Variants in ATP8B4 observed in about 807,000 individuals in gnomAD.
ATP8B4 encodes the protein probable phospholipid-transporting ATPase IM.
In ATP8B4, 133 loss-of-function variants were observed where a neutral mutation model predicts 145.6. That is an observed-to-expected ratio of 0.91 (90% confidence interval 0.79 to 1.05). The LOEUF (loss-of-function observed/expected upper bound fraction) is 1.05, where lower values mean the gene tolerates loss of function less well. ATP8B4 is among the 50% of genes least tolerant of loss of function. The probability of loss-of-function intolerance (pLI) is 0.00; values close to 1 mark genes in which losing one functional copy is unlikely to be tolerated. For missense variants in ATP8B4, 1,458 were observed against 1,425.2 expected, an observed-to-expected ratio of 1.02 and a Z score of -0.37; for synonymous variants, 507 against 492.9, an observed-to-expected ratio of 1.03 and a Z score of -0.38.
intron 3 of ATP8B4, among the ~76,000 whole-genome samples, chr15:50,064,689 G>C (rs1434409763): frequency 6.6e-6 from 1 of 152,102 alleles, no homozygotes; most frequent in Admixed American, 6.5e-5. Context: ...AAATACCTGA[G>C]ACTGGTAATT....
chr15:49,867,806 T>A (rs1169796789), intron 25 of ATP8B4, among the ~76,000 whole-genome samples: 1 of 151,990 alleles, frequency 6.6e-6, no homozygotes, highest in Non-Finnish European at 1.5e-5. Flanking sequence ...AAAAAAATAA[T>A]CTGAAAGAAA....
chr15:50,147,314 G>A (rs922457999), intron 1 of ATP8B4, among the ~76,000 whole-genome samples: 1 of 151,716 alleles, frequency 6.6e-6, no homozygotes, highest in African/African-American at 2.4e-5. Context: ...TACTCAGGAG[G>A]CTGAGGCATG....
intron 27 of ATP8B4, among the ~76,000 whole-genome samples, chr15:49,861,492 A>ACCTC (rs1566884878): frequency 6.0e-5 from 9 of 150,580 alleles, no homozygotes; most frequent in Non-Finnish European, 8.9e-5. Context: ...CTACCTACCT[A>ACCTC]CCTACCTACC....
At chr15:50,090,041 A>G (rs2055497938) in intron 2 of ATP8B4, among the ~76,000 whole-genome samples, 1 of 152,170 alleles carries the variant, frequency 6.6e-6, no homozygotes, top group African/African-American at 2.4e-5. Context: ...CATAAAAAGG[A>G]ATGAGATCAT....
At chr15:49,954,932 A>T (rs1255297946) in intron 14 of ATP8B4, among the ~76,000 whole-genome samples, 1 of 152,228 alleles carries the variant, frequency 6.6e-6, no homozygotes, top group Admixed American at 6.5e-5. Context: ...CCAGATGCCC[A>T]TCAGCGGTGG....
chr15:49,988,098 C>T (rs1363068301), intron 9 of ATP8B4, among the ~76,000 whole-genome samples: 3 of 152,184 alleles, frequency 2.0e-5, no homozygotes, highest in African/African-American at 7.2e-5. Context: ...TTCCTTTCAG[C>T]TGTTCTATGC....
rs200066365 is a variant in ATP8B4, at chr15:50,043,794, A to C, written c.300+800T>G. On this transcript the variant is annotated intron_variant, in intron 5 of 27. Transcript: ENST00000284509. The stretch of plus-strand genomic sequence containing the variant: ...AGGTGAAACCCCGTCTCTACTAAAA[A>C]TACAAAAAATTAGCCGGGCGCGGTG... 3.8e-4 allele frequency among the ~76,000 whole-genome samples: 58 copies of C among 151,464 alleles called. No individual in the cohort carries two copies. In the East Asian group the frequency reaches 0.011, roughly 29 times the overall value.
chr15:50,037,133 T>C (rs1400227183), intron 6 of ATP8B4, among the ~76,000 whole-genome samples: 1 of 152,212 alleles, frequency 6.6e-6, no homozygotes, highest in Non-Finnish European at 1.5e-5. Flanking sequence ...TCCAGGTATT[T>C]TGACTGGTAA....
intron 6 of ATP8B4, among the ~76,000 whole-genome samples, chr15:50,013,955 C>T (rs1326000140): frequency 6.6e-6 from 1 of 152,184 alleles, no homozygotes; most frequent in Non-Finnish European, 1.5e-5. Flanking sequence ...TGCTCCACGT[C>T]ACTAGACTAT....
intron 2 of ATP8B4, among the ~76,000 whole-genome samples, chr15:50,098,482 C>T (rs1372487928): frequency 2.6e-5 from 4 of 151,488 alleles, no homozygotes; most frequent in African/African-American, 9.7e-5. Context: ...CAAGGTATTG[C>T]TATGTGGCCC....
intron 1 of ATP8B4, among the ~76,000 whole-genome samples, chr15:50,128,321 T>C (rs1416938107): frequency 1.3e-5 from 2 of 152,218 alleles, no homozygotes; most frequent in Admixed American, 6.5e-5. Context: ...ACCCATTTCC[T>C]TTGGGTCTGA....
intron 19 of ATP8B4, among the ~76,000 whole-genome samples, chr15:49,917,738 T>C (rs961326321): frequency 2.0e-5 from 3 of 152,192 alleles, no homozygotes; most frequent in African/African-American, 4.8e-5. Flanking sequence ...TCTAACTGTA[T>C]AGAATAATTA....
In ATP8B4 at chr15:49,859,353, G is replaced by A. The variant is rs2031216442; in HGVS notation, c.*841C>T. On this transcript the variant is annotated 3_prime_UTR_variant, in exon 28 of 28. Coordinates refer to ENST00000284509, the MANE Select transcript of ATP8B4 (RefSeq NM_024837.4). ...CTATGTGGAATATTATCATTAAAGT[G>A]TGAAATTCCAGTGCTTTGCTGATTC... 1 of 152,218 alleles carries A rather than the reference G, an allele frequency of 6.6e-6. No individual in the cohort carries two copies. The highest frequency in any genetic ancestry group is 1.5e-5 in the Non-Finnish European group (1 of 68,038). The allele number at this position is 152,218 out of a possible 1,614,324, so 9.4% of individuals were successfully genotyped here. A position where few individuals can be genotyped will look rare whatever the true frequency, so the allele number is the denominator to read the frequency against.
At chr15:49,965,716 G>A (rs754057841) in intron 13 of ATP8B4, among the ~76,000 whole-genome samples, 2 of 152,136 alleles carry the variant, frequency 1.3e-5, no homozygotes, top group Non-Finnish European at 2.9e-5. Flanking sequence ...TAGGAATCAA[G>A]TATAAAATGC....
intron 1 of ATP8B4, among the ~76,000 whole-genome samples, chr15:50,156,365 A>G (rs1206843838): frequency 6.6e-6 from 1 of 151,848 alleles, no homozygotes; most frequent in Non-Finnish European, 1.5e-5. Context: ...CTTCAATTAA[A>G]TGTTTCATCA....
intron 9 of ATP8B4, among the ~76,000 whole-genome samples, chr15:49,994,410 C>A (rs536800735): frequency 2.6e-5 from 4 of 152,146 alleles, no homozygotes; most frequent in Admixed American, 6.6e-5. Flanking sequence ...CTCGGCCCCC[C>A]AATGGGATTT....
At chr15:49,954,212 T>C (rs1215196358) in intron 14 of ATP8B4, among the ~76,000 whole-genome samples, 1 of 152,176 alleles carries the variant, frequency 6.6e-6, no homozygotes, top group African/African-American at 2.4e-5. Flanking sequence ...TTGTGGGACT[T>C]CATCTTGTGA....
intron 12 of ATP8B4, among the ~76,000 whole-genome samples, chr15:49,978,876 G>A (rs1208580023): frequency 6.6e-6 from 1 of 151,730 alleles, no homozygotes; most frequent in Non-Finnish European, 1.5e-5. Context: ...GAGGCAAAAA[G>A]AGAGACCACC....
At chr15:50,162,725 C>T (rs2140845587) in intron 1 of ATP8B4, among the ~76,000 whole-genome samples, 1 of 152,122 alleles carries the variant, frequency 6.6e-6, no homozygotes, top group East Asian at 1.9e-4. Context: ...CCAGGATGGT[C>T]TCGATCTCCT....
Sources: allele counts gnomAD v4.1 joint callset (sites outside exome capture counted in the v4.1 genomes callset), GRCh38; gene constraint gnomAD v4.1.1; transcripts MANE v1.5; gene names NCBI Gene and HGNC (gene_info 2026-07-23, HGNC 2026-07-21).